The following PPL variants were observed in gnomAD, a reference collection of about 807,000 sequenced individuals.
The protein encoded by PPL is 190 kDa paraneoplastic pemphigus antigen.
Under a neutral mutation model 194.4 loss-of-function variants are expected in PPL, and 198 were observed. The ratio of observed to expected loss-of-function variants is 1.02; its 90% CI spans 0.91 to 1.15. The LOEUF is 1.15. Ranked by LOEUF, PPL falls within the 50% of genes most tolerant of loss-of-function variation. The pLI, the probability that PPL is intolerant of heterozygous loss-of-function variation, is 0.00. For synonymous variants in PPL, 1,220 were observed against 972.4 expected, an observed-to-expected ratio of 1.25 and a Z score of -4.74; for missense variants, 2,885 against 2,294.8, an observed-to-expected ratio of 1.26 and a Z score of -5.25.
intron 1 of PPL, among the ~76,000 whole-genome samples, chr16:4,936,013 G>A (rs2089293128): frequency 6.6e-6 from 1 of 152,184 alleles, no homozygotes. Context: ...GGGGATATAA[G>A]GCAGGGGCTG....
In PPL at chr16:4,891,695, C is replaced by G. The variant is rs11865705; in HGVS notation, c.1968+116G>C. 0.014 allele frequency: 18,982 copies of G among 1,379,830 alleles called. 2,031 individuals are homozygous for G. In the African/African-American group the frequency reaches 0.24, roughly 17 times the overall value. The allele number at this position is 1,379,830 out of a possible 1,614,324, so 85.5% of individuals were successfully genotyped here. A position where few individuals can be genotyped will look rare whatever the true frequency, so the allele number is the denominator to read the frequency against. The stretch of plus-strand genomic sequence containing the variant: ...ATTTGCAGTTCCCAATTTGGGCATT[C>G]CAAACCTGGGGAGACTGGATGCTGG... On this transcript the variant is annotated intron_variant, in intron 16 of 21. Transcript: ENST00000345988.
chr16:4,901,954 AAAT>A (rs141211811), intron 4 of PPL, among the ~76,000 whole-genome samples: 28,295 of 107,670 alleles, frequency 0.26, 2,887 homozygotes, highest in East Asian at 0.44. Context: ...ATAAATAAAT[AAAT>A]AAATAAATAA....
chr16:4,890,405 TA>T, intron 17 of PPL, 71 bp from the exon 18 acceptor site: 6 of 1,453,496 alleles, frequency 4.1e-6, no homozygotes, highest in Non-Finnish European at 5.5e-6. Flanking sequence ...TTTTTTTTTT[TA>T]AAGTGGGAAA....
rs747371530 is a variant in PPL, at chr16:4,897,732, G to T, written c.915C>A (p.Tyr305Ter). The T allele has an allele frequency of 1.2e-6, 2 of 1,613,906 alleles. 1 individual carries two copies. Among genetic ancestry groups the T allele is most frequent in the South Asian group, 2.2e-5 (2 of 91,056 alleles). ...MEAVHADWKEYLNLLICEESH... is the reference protein window; with the variant it reads ...MEAVHADWKE Reference sequence around the variant, plus strand: ...TCTCCTCGCAGATGAGCAGGTTCAGGTACTCCTTCCAGTCTGCGTGCACAG... The same window carrying T: ...TCTCCTCGCAGATGAGCAGGTTCAGTTACTCCTTCCAGTCTGCGTGCACAG... Residue 305 changes from tyrosine to a stop codon, truncating the protein, a stop_gained, in exon 9 of 22, where the codon TAC becomes TAA. Transcript: ENST00000345988. LOFTEE classifies it high-confidence loss of function.
chr16:4,899,304 C>T lies in PPL; in HGVS notation c.687G>A (p.Leu229=). 1 of 1,613,760 alleles carries T rather than the reference C, an allele frequency of 6.2e-7. No homozygotes were observed. The highest frequency in any genetic ancestry group is 8.5e-7 in the Non-Finnish European group (1 of 1,179,996). Residue 229 remains leucine, a synonymous_variant, in exon 7 of 22, where the codon CTG becomes CTA. Coordinates refer to ENST00000345988, the MANE Select transcript of PPL (RefSeq NM_002705.5). Reference sequence around the variant, plus strand: ...GCATGCGGCCCTTGGCCTGCTGGTCCAGCCAGTACAGCTCATTGGTGCAGC... The same window carrying T: ...GCATGCGGCCCTTGGCCTGCTGGTCTAGCCAGTACAGCTCATTGGTGCAGC... The part of the protein sequence containing the change: ...MQRCTNELYW[L]DQQAKGRMQY...
At chr16:4,913,375 C>T (rs545440222) in intron 1 of PPL, among the ~76,000 whole-genome samples, 21 of 152,242 alleles carry the variant, frequency 1.4e-4, no homozygotes, top group African/African-American at 4.3e-4. Flanking sequence ...TCTCCCAATC[C>T]GATGGACTAG....
In PPL at chr16:4,899,311, T is replaced by C. The variant is rs1285609900; in HGVS notation, c.680A>G (p.Tyr227Cys). The part of the protein sequence containing the change: ...DYMQRCTNEL[Y>C]WLDQQAKGRM... Reference sequence around the variant, plus strand: ...GCCCTTGGCCTGCTGGTCCAGCCAGTACAGCTCATTGGTGCAGCGCTGCAT... The same window carrying C: ...GCCCTTGGCCTGCTGGTCCAGCCAGCACAGCTCATTGGTGCAGCGCTGCAT... The change falls in exon 7 of 22, where the codon TAC becomes TGC. Residue 227 changes from tyrosine (Y) to cysteine (C), a missense_variant. Transcript: ENST00000345988. 1 of 1,613,606 alleles carries C rather than the reference T, an allele frequency of 6.2e-7. No homozygotes were observed. Among genetic ancestry groups the C allele is most frequent in the Non-Finnish European group, 8.5e-7 (1 of 1,179,992 alleles).
chr16:4,897,332 CAAAAAAAA>C (rs57191109), intron 9 of PPL, among the ~76,000 whole-genome samples: 3 of 53,428 alleles, frequency 5.6e-5, no homozygotes, highest in African/African-American at 1.4e-4. Context: ...AAGACTCTCT[CAAAAAAAA>C]AAAAAAAAAA....
In PPL at chr16:4,902,460, C is replaced by T. The variant is rs369808833; in HGVS notation, c.384G>A (p.Ala128=). The change falls in exon 4 of 22, where the codon GCG becomes GCA. Residue 128 remains alanine (A), a synonymous_variant. Transcript: ENST00000345988. This position sits in a 1 kb window ranked among gnomAD's most constrained non-coding sequence, Gnocchi z 4.0. Reference sequence around the variant, plus strand: ...TGACCTGTGGATCCACTTCCTTCACCGCCAGCCTGTAGATCTGCTTGTGTT... The same window carrying T: ...TGACCTGTGGATCCACTTCCTTCACTGCCAGCCTGTAGATCTGCTTGTGTT... The part of the protein sequence containing the change: ...RGKHKQIYRL[A]VKEVDPQVNW... 2.5e-4 allele frequency: 405 copies of T among 1,613,960 alleles called. No individual in the cohort carries two copies. Among genetic ancestry groups the T allele is most frequent in the Non-Finnish European group, 3.2e-4 (377 of 1,179,986 alleles).
In PPL at chr16:4,895,347, G is replaced by A. The variant is rs1230950205; in HGVS notation, c.1156C>T (p.Gln386Ter). 1 of 1,613,400 alleles carries A rather than the reference G, an allele frequency of 6.2e-7. No individual in the cohort carries two copies. The highest frequency in any genetic ancestry group is 8.5e-7 in the Non-Finnish European group (1 of 1,179,978). ...CGGTACTTGAGGGGCACCACCTGCT[G>A]GCCTCGCTTCTGCAGCCCCTGCACC... ...DVVQGLQKRG[Q>*]QVVPLKYRRE... The change falls in exon 11 of 22, where the codon CAG becomes TAG. Residue 386 changes from glutamine to a stop codon, truncating the protein, a stop_gained. Transcript: ENST00000345988. LOFTEE classifies it high-confidence loss of function.
chr16:4,890,373 C>A, intron 17 of PPL, 39 bp from the exon 18 acceptor site: 3 of 1,548,538 alleles, frequency 1.9e-6, no homozygotes, highest in Non-Finnish European at 2.6e-6. Context: ...CCACAGCAAA[C>A]AGATGCCTCA....
intron 9 of PPL, among the ~76,000 whole-genome samples, chr16:4,896,032 T>C (rs1386874247): frequency 2.6e-5 from 4 of 152,270 alleles, no homozygotes; most frequent in African/African-American, 7.2e-5. Context: ...CTCTCTGTAC[T>C]AGGAACATCC....
rs202175086 is a variant in PPL at position 4,893,616 on chromosome 16, C to T, written c.1417G>A (p.Val473Met). ...ADSLGSQYRSVRQKAAGSKRT... is the reference protein window; with the variant it reads ...ADSLGSQYRSMRQKAAGSKRT... ...TTGCTCCCAGCTGCCTTCTGCCGCA[C>T]GCTCCGGTACTGGCTGCCCAGGCTG... The change falls in exon 13 of 22, where the codon GTG (valine) becomes ATG (methionine). Residue 473 changes from valine (V) to methionine (M), a missense_variant. Val to Met is a conservative substitution (Grantham distance 21, BLOSUM62 1). Transcript: ENST00000345988. 4.6e-4 allele frequency: 740 copies of T among 1,602,114 alleles called. 4 individuals carry two copies. Among genetic ancestry groups the T allele is most frequent in the Admixed American group, 2.0e-4 (12 of 59,190 alleles).
At chr16:4,908,550 T>C (rs559002034) in intron 2 of PPL, among the ~76,000 whole-genome samples, 2 of 152,234 alleles carry the variant, frequency 1.3e-5, no homozygotes, top group South Asian at 4.2e-4. Flanking sequence ...GATTGATTGA[T>C]TGATTGAGGC....
rs751660917 is a variant in PPL, at chr16:4,883,766, T to A, written c.4889A>T (p.Asp1630Val). ...DDLKRLSKDK[D>V]LEIDELQKRL... ...CTTCTGCAGCTCGTCGATCTCGAGGTCTTTGTCCTTGGAGAGCCTCTTGAG... is the reference window on the plus strand; with the variant it reads ...CTTCTGCAGCTCGTCGATCTCGAGGACTTTGTCCTTGGAGAGCCTCTTGAG... The change falls in exon 22 of 22, where the codon GAC becomes GTC. Residue 1630 changes from aspartate to valine, a missense_variant. Physicochemically the swap from Asp to Val is radical, Grantham distance 152. Coordinates refer to ENST00000345988, the MANE Select transcript of PPL (RefSeq NM_002705.5). The surrounding 1 kb of genome is among the most constrained non-coding windows in gnomAD (Gnocchi z 4.8). 1.2e-6 allele frequency: 2 copies of A among 1,614,008 alleles called. No homozygotes were observed. Among genetic ancestry groups the A allele is most frequent in the East Asian group, 2.2e-5 (1 of 44,872 alleles).
intron 2 of PPL, among the ~76,000 whole-genome samples, chr16:4,908,417 CTTCT>C (rs1184935401): frequency 2.2e-5 from 1 of 45,136 alleles, no homozygotes; most frequent in African/African-American, 6.4e-5. Context: ...AACCCTCTTC[CTTCT>C]TTCTCTCTCT....
chr16:4,917,625 G>A (rs1211383447), intron 1 of PPL, among the ~76,000 whole-genome samples: 3 of 152,166 alleles, frequency 2.0e-5, no homozygotes, highest in Non-Finnish European at 2.9e-5. Context: ...ACTGGGCTGG[G>A]CGTGGTGGCT....
intron 1 of PPL, among the ~76,000 whole-genome samples, chr16:4,918,647 C>G (rs1021512979): frequency 6.6e-6 from 1 of 152,178 alleles, no homozygotes; most frequent in African/African-American, 2.4e-5. Flanking sequence ...CATCATTTGG[C>G]CACAGTTCCA....
At chr16:4,936,958 G>C (rs775658203) in intron 1 of PPL, 26 bp downstream of exon 1, 9 of 1,580,574 alleles carry the variant, frequency 5.7e-6, no homozygotes, top group Non-Finnish European at 7.7e-6. Flanking sequence ...GAGCGTCCCG[G>C]AGCGGAGCTG....
Sources: gnomAD v4.1 joint callset for allele counts (sites outside exome capture counted in the v4.1 genomes callset) on GRCh38, gnomAD v4.1.1 for gene constraint, Gnocchi (gnomAD v3.1) non-coding constraint, MANE v1.5 for transcripts, NCBI Gene and HGNC (gene_info 2026-07-23, HGNC 2026-07-21) for gene names.